The following MSR1 variants were observed in gnomAD, a reference collection of about 807,000 sequenced individuals.
The protein encoded by MSR1 is macrophage scavenger receptor types I and II.
MSR1 carries 53 observed loss-of-function variants against 47.2 expected under a neutral mutation model. The ratio of observed to expected loss-of-function variants is 1.12; its 90% CI spans 0.90 to 1.41. The LOEUF (loss-of-function observed/expected upper bound fraction) is 1.41. Among genes scored for constraint, MSR1 ranks in the 40% most tolerant of loss-of-function variants. The pLI, the probability that MSR1 is intolerant of heterozygous loss-of-function variation, is 0.00. For synonymous variants in MSR1, 239 were observed against 185.6 expected, an observed-to-expected ratio of 1.29 and a Z score of -2.34; for missense variants, 786 against 546.9, an observed-to-expected ratio of 1.44 and a Z score of -4.36.
chr8:16,190,783 G>A (rs571805983), intron 1 of MSR1, among the ~76,000 whole-genome samples: 21 of 148,526 alleles, frequency 1.4e-4, no homozygotes, highest in Admixed American at 6.2e-4. Flanking sequence ...GTGCAATGGC[G>A]TGATCTTGGC....
intron 1 of MSR1, among the ~76,000 whole-genome samples, chr8:16,178,398 T>C (rs11777735): frequency 0.37 from 56,601 of 151,936 alleles, 12,225 homozygotes; most frequent in South Asian, 0.49. Context: ...AATGATGGTT[T>C]CCAGCTTCAT....
chr8:16,186,375 C>G (rs1053567833), intron 1 of MSR1: 3 of 594,416 alleles, frequency 5.0e-6, no homozygotes, highest in Non-Finnish European at 8.7e-6. Context: ...GCTGATGACT[C>G]TTAAGTCTTT....
chr8:16,161,209 T>C (rs1801153822), intron 5 of MSR1, among the ~76,000 whole-genome samples: 3 of 151,688 alleles, frequency 2.0e-5, no homozygotes. Context: ...TAGTAGGACT[T>C]ACAAATGGAT....
intron 9 of MSR1, among the ~76,000 whole-genome samples, chr8:16,113,913 A>G (rs1023120003): frequency 4.9e-4 from 47 of 95,266 alleles, no homozygotes; most frequent in Non-Finnish European, 8.2e-4. Flanking sequence ...ACCACCCCCA[A>G]CCACCATAAT....
chr8:16,152,477 C>T (rs988504433), intron 6 of MSR1, among the ~76,000 whole-genome samples: 2 of 152,018 alleles, frequency 1.3e-5, no homozygotes, highest in South Asian at 2.1e-4. Context: ...TCTGGAAGCA[C>T]GATTCCTATG....
At chr8:16,137,186 G>A (rs1800411078) in intron 8 of MSR1, among the ~76,000 whole-genome samples, 2 of 152,098 alleles carry the variant, frequency 1.3e-5, no homozygotes, top group South Asian at 4.1e-4. Flanking sequence ...GCTCTCATTA[G>A]TGATAATGGA....
At chr8:16,123,888 C>G (rs1250344156) in intron 8 of MSR1, among the ~76,000 whole-genome samples, 1 of 152,166 alleles carries the variant, frequency 6.6e-6, no homozygotes, top group Admixed American at 6.5e-5. Flanking sequence ...AACTTGTACT[C>G]AAGCTTCTTT....
At chr8:16,149,799 G>A (rs987148367) in intron 7 of MSR1, among the ~76,000 whole-genome samples, 2 of 152,010 alleles carry the variant, frequency 1.3e-5, no homozygotes, top group African/African-American at 4.8e-5. Context: ...CTGGCCAGTT[G>A]TGGTTAAACG....
At chr8:16,150,162 A>T in intron 7 of MSR1, 69 bp downstream of exon 7, 1 of 277,808 alleles carries the variant, frequency 3.6e-6, no homozygotes, top group Non-Finnish European at 6.8e-6. Context: ...ATATATATAT[A>T]TATATATATA....
intron 9 of MSR1, 89 bp from the exon 10 acceptor site, chr8:16,110,307 T>A: frequency 2.1e-6 from 3 of 1,439,686 alleles, no homozygotes; most frequent in African/African-American, 1.4e-5. Context: ...CTTCACTAAT[T>A]AAACAAAAAA....
At position 16,110,156 on chromosome 8, in the gene MSR1, A is replaced by G. The variant is rs769036702; in HGVS notation, c.1285T>C (p.Cys429Arg). 4 of 1,613,730 alleles carry G rather than the reference A, an allele frequency of 2.5e-6. No homozygotes were observed. The highest frequency in any genetic ancestry group is 2.2e-5 in the East Asian group (1 of 44,842). Residue 429 changes from cysteine (C) to arginine (R), a missense_variant, in exon 10 of 10, where the codon TGT becomes CGT. Cys to Arg is a radical substitution (Grantham distance 180, BLOSUM62 -3). Coordinates refer to ENST00000262101, the MANE Select transcript of MSR1 (RefSeq NM_138715.3). Reference protein sequence around the residue: ...CFGRESSIEECKIRQWGTRAC... With the variant: ...CFGRESSIEERKIRQWGTRAC... Reference sequence around the variant, plus strand: ...CTTGTCCCCCATTGCCGAATTTTACATTCTTCAATAGATGATTCTCTCCCA... The same window carrying G: ...CTTGTCCCCCATTGCCGAATTTTACGTTCTTCAATAGATGATTCTCTCCCA...
At chr8:16,175,989 A>C (rs1801634753) in intron 2 of MSR1, among the ~76,000 whole-genome samples, 1 of 152,198 alleles carries the variant, frequency 6.6e-6, no homozygotes, top group African/African-American at 2.4e-5. Context: ...TATTAATTGT[A>C]GTAGAGACAA....
At chr8:16,124,370 C>T (rs10503575) in intron 8 of MSR1, among the ~76,000 whole-genome samples, 105,907 of 152,130 alleles carry the variant, frequency 0.7, 41,446 homozygotes, top group Non-Finnish European at 0.87. Context: ...GGTAGAATTA[C>T]AAACATAGTA....
chr8:16,184,399 C>T (rs1030518867), intron 1 of MSR1, among the ~76,000 whole-genome samples: 5 of 151,912 alleles, frequency 3.3e-5, no homozygotes, highest in South Asian at 2.1e-4. Context: ...GGGAAAAAGA[C>T]AAAAGGAGAA....
At chr8:16,168,019 T>C (rs924665468) in intron 4 of MSR1, among the ~76,000 whole-genome samples, 3 of 152,140 alleles carry the variant, frequency 2.0e-5, no homozygotes, top group Non-Finnish European at 4.4e-5. Context: ...TTCTGACACC[T>C]TAAGGTGAGG....
At chr8:16,178,860 G>C (rs1256199451) in intron 1 of MSR1, among the ~76,000 whole-genome samples, 2 of 151,956 alleles carry the variant, frequency 1.3e-5, no homozygotes, top group Middle Eastern at 3.4e-3. Context: ...GGCCAGTGAT[G>C]ATGAGCATTT....
chr8:16,112,764 G>A (rs1172666220), intron 9 of MSR1, among the ~76,000 whole-genome samples: 2 of 151,026 alleles, frequency 1.3e-5, no homozygotes, highest in Admixed American at 6.6e-5. Context: ...CTTTCTATTC[G>A]GTGGAAAGCT....
intron 9 of MSR1, among the ~76,000 whole-genome samples, chr8:16,113,838 G>C (rs899653887): frequency 6.6e-6 from 1 of 152,088 alleles, no homozygotes; most frequent in Non-Finnish European, 1.5e-5. Context: ...GGTGGAGAAA[G>C]CATGGTATGA....
intron 7 of MSR1, among the ~76,000 whole-genome samples, chr8:16,149,185 G>T (rs183695068): frequency 6.6e-6 from 1 of 151,966 alleles, no homozygotes; most frequent in Admixed American, 6.6e-5. Flanking sequence ...ATAGATTTTG[G>T]GTAATAATAT....
Sources: gnomAD v4.1 joint callset for allele counts (sites outside exome capture counted in the v4.1 genomes callset) on GRCh38, gnomAD v4.1.1 for gene constraint, MANE v1.5 for transcripts, NCBI Gene and HGNC (gene_info 2026-07-23, HGNC 2026-07-21) for gene names.